ABCC4: variants seen among roughly 807,000 people sequenced by gnomAD.
The protein encoded by ABCC4 is ATP binding cassette subfamily C member 4 (PEL blood group).
In ABCC4, 102 loss-of-function variants were observed where a neutral mutation model predicts 168.5. The observed-to-expected ratio is 0.61, with a 90% confidence interval of 0.52 to 0.71. The LOEUF (loss-of-function observed/expected upper bound fraction) is 0.71, where lower values mean the gene tolerates loss of function less well. Ranked by LOEUF, ABCC4 falls within the 30% of genes least tolerant of loss-of-function variation. The pLI, the probability that ABCC4 is intolerant of heterozygous loss-of-function variation, is 0.00. For missense variants in ABCC4, 1,402 were observed against 1,605.8 expected (o/e 0.87, Z 2.17); for synonymous variants, 617 against 590.7 (o/e 1.04, Z -0.65).
At chr13:95,098,990 T>A (rs2034704680) in intron 20 of ABCC4, among the ~76,000 whole-genome samples, 1 of 152,220 alleles carries the variant, frequency 6.6e-6, no homozygotes, top group African/African-American at 2.4e-5. Context: ...GTTTTTAAAG[T>A]GAACTTTACG....
chr13:95,185,241 G>A (rs978154574), intron 11 of ABCC4, among the ~76,000 whole-genome samples: 1 of 152,182 alleles, frequency 6.6e-6, no homozygotes, highest in Non-Finnish European at 1.5e-5. Context: ...ATATGTGTGA[G>A]CGTGTGAGAC....
At chr13:95,092,762 A>G (rs1408742868) in intron 20 of ABCC4, among the ~76,000 whole-genome samples, 1 of 152,168 alleles carries the variant, frequency 6.6e-6, no homozygotes, top group Non-Finnish European at 1.5e-5. Flanking sequence ...CAACAACAAC[A>G]AAACACAAAA....
chr13:95,057,248 T>A lies in ABCC4; in HGVS notation c.3367-4064A>T, dbSNP rs530432443. On this transcript the variant is annotated intron_variant, in intron 26 of 30. Transcript: ENST00000645237. ...GGGTACTTTCTTAAGAATTCAGTAT[T>A]TTTTTTTTTTGAGACAGAGTCTCCC... is the stretch of plus-strand genomic sequence containing the variant. Among the ~76,000 whole-genome samples, 12 of 97,796 alleles carry A rather than the reference T, an allele frequency of 1.2e-4. No homozygotes were observed. In the South Asian group the frequency reaches 3.6e-3, roughly 29 times the overall value. 64.2% of individuals were successfully genotyped at this position (97,796 alleles called of 152,430 possible).
intron 8 of ABCC4, among the ~76,000 whole-genome samples, chr13:95,196,962 C>G (rs978227207): frequency 1.3e-5 from 2 of 152,168 alleles, no homozygotes; most frequent in African/African-American, 4.8e-5. Flanking sequence ...GCAGCACTGA[C>G]AGTCACACTC....
At chr13:95,236,817 G>GC (rs969276901) in intron 3 of ABCC4, among the ~76,000 whole-genome samples, 2 of 152,160 alleles carry the variant, frequency 1.3e-5, no homozygotes, top group African/African-American at 4.8e-5. Flanking sequence ...TTATGGAAGA[G>GC]CCCCCAGTAC....
At chr13:95,299,843 A>T (rs1348681029) in intron 1 of ABCC4, among the ~76,000 whole-genome samples, 1 of 151,564 alleles carries the variant, frequency 6.6e-6, no homozygotes, top group Non-Finnish European at 1.5e-5. Context: ...TCCCCCACAC[A>T]CACCCGCCAC....
At chr13:95,023,387 A>G (rs889650066) in intron 30 of ABCC4, among the ~76,000 whole-genome samples, 1 of 152,184 alleles carries the variant, frequency 6.6e-6, no homozygotes, top group Admixed American at 6.5e-5. Flanking sequence ...TATGGGTAAC[A>G]GCACAGGTGA....
intron 20 of ABCC4, among the ~76,000 whole-genome samples, chr13:95,107,916 G>A (rs2035064177): frequency 6.6e-6 from 1 of 152,046 alleles, no homozygotes; most frequent in South Asian, 2.1e-4. Context: ...TCCAGCCTGG[G>A]CGACAGAGCG....
intron 25 of ABCC4, among the ~76,000 whole-genome samples, chr13:95,068,905 G>A (rs1566389048): frequency 6.6e-6 from 1 of 152,228 alleles, no homozygotes; most frequent in Non-Finnish European, 1.5e-5. Context: ...GCCCCATCAG[G>A]AACAGAATCT....
intron 19 of ABCC4, among the ~76,000 whole-genome samples, chr13:95,153,800 A>G (rs898014536): frequency 2.0e-5 from 3 of 152,234 alleles, no homozygotes; most frequent in African/African-American, 7.2e-5. Flanking sequence ...CAAGTGCTAC[A>G]GTAATCGCTT....
intron 19 of ABCC4, among the ~76,000 whole-genome samples, chr13:95,142,626 C>T (rs2036356520): frequency 6.6e-6 from 1 of 150,458 alleles, no homozygotes; most frequent in Admixed American, 6.6e-5. Flanking sequence ...CATGAGTAAA[C>T]CAGAAAAAAA....
intron 5 of ABCC4, among the ~76,000 whole-genome samples, chr13:95,210,220 G>A (rs557215066): frequency 6.6e-6 from 1 of 152,356 alleles, no homozygotes; most frequent in South Asian, 2.1e-4. Flanking sequence ...GTTCACACCT[G>A]TAATCCCAGC....
chr13:95,297,582 C>G (rs910747858), intron 1 of ABCC4, among the ~76,000 whole-genome samples: 1 of 152,206 alleles, frequency 6.6e-6, no homozygotes, highest in African/African-American at 2.4e-5. Flanking sequence ...GCAGCCACTT[C>G]CTGGATGGGC....
At chr13:95,156,847 C>G (rs2036877607) in intron 19 of ABCC4, among the ~76,000 whole-genome samples, 1 of 152,064 alleles carries the variant, frequency 6.6e-6, no homozygotes, top group Non-Finnish European at 1.5e-5. Flanking sequence ...AATCCCAGCA[C>G]TTTAGGAGGC....
intron 20 of ABCC4, among the ~76,000 whole-genome samples, chr13:95,113,554 G>A (rs1462414779): frequency 2.4e-5 from 3 of 127,176 alleles, no homozygotes; most frequent in African/African-American, 6.2e-5. Context: ...CTTACAGAGA[G>A]GCCTAGGCAA....
intron 20 of ABCC4, among the ~76,000 whole-genome samples, chr13:95,101,315 ATATGAAAAGTCAGT>A (rs1396234826): frequency 1.3e-5 from 2 of 151,494 alleles, no homozygotes; most frequent in African/African-American, 4.9e-5. Context: ...CCATGAAAGG[ATATGAAAAGTCAGT>A]TATTTAAGCT....
At chr13:95,069,949 A>G (rs1321036190) in intron 25 of ABCC4, among the ~76,000 whole-genome samples, 3 of 152,210 alleles carry the variant, frequency 2.0e-5, no homozygotes, top group Non-Finnish European at 4.4e-5. Context: ...ATGTTACATT[A>G]AAGAATCTGG....
intron 19 of ABCC4, among the ~76,000 whole-genome samples, chr13:95,126,885 A>ATATATATT (rs2035800809): frequency 1.5e-5 from 1 of 66,218 alleles, no homozygotes; most frequent in African/African-American, 4.3e-5. Flanking sequence ...CACCAAATAT[A>ATATATATT]TATATATATT....
intron 15 of ABCC4, 38 bp from the exon 16 acceptor site, chr13:95,164,556 T>A (rs771404888): frequency 1.9e-6 from 3 of 1,607,960 alleles, no homozygotes; most frequent in Non-Finnish European, 2.6e-6. Context: ...CAAAACAGTA[T>A]ACAAAACTGT....
Sources: allele counts gnomAD v4.1 joint callset (sites outside exome capture counted in the v4.1 genomes callset), GRCh38; gene constraint gnomAD v4.1.1; transcripts MANE v1.5; gene names NCBI Gene and HGNC (gene_info 2026-07-23, HGNC 2026-07-21).